ST6GAL1: variants seen among roughly 807,000 people sequenced by gnomAD.
The protein encoded by ST6GAL1 is ST6 beta-galactoside alpha-2,6-sialyltransferase 1.
ST6GAL1 carries 20 observed loss-of-function variants against 38.0 expected under a neutral mutation model. The ratio of observed to expected loss-of-function variants is 0.53; its 90% CI spans 0.37 to 0.77. The LOEUF (loss-of-function observed/expected upper bound fraction) is 0.77. ST6GAL1 is among the 30% of genes least tolerant of loss of function. The pLI is 0.00. For synonymous variants in ST6GAL1, 196 were observed against 188.2 expected, an observed-to-expected ratio of 1.04 and a Z score of -0.34; for missense variants, 432 against 496.4, an observed-to-expected ratio of 0.87 and a Z score of 1.23.
At chr3:186,944,311 G>A (rs991490788) in intron 1 of ST6GAL1, among the ~76,000 whole-genome samples, 1 of 152,202 alleles carries the variant, frequency 6.6e-6, no homozygotes, top group Non-Finnish European at 1.5e-5. Context: ...GGGGTAATGG[G>A]CCTTGAGCTG....
chr3:186,979,473 A>C (rs938527501), intron 2 of ST6GAL1, among the ~76,000 whole-genome samples: 1 of 152,196 alleles, frequency 6.6e-6, no homozygotes, highest in African/African-American at 2.4e-5. Context: ...CTCCTTGGGC[A>C]GACCTGGAGA....
chr3:187,021,615 C>G (rs1717303693), intron 2 of ST6GAL1, among the ~76,000 whole-genome samples: 1 of 151,850 alleles, frequency 6.6e-6, no homozygotes, highest in Non-Finnish European at 1.5e-5. Flanking sequence ...TGGTGGGCGC[C>G]TGTAATCCCA....
At chr3:186,978,332 C>T (rs866720163) in intron 2 of ST6GAL1, among the ~76,000 whole-genome samples, 37 of 152,208 alleles carry the variant, frequency 2.4e-4, no homozygotes, top group East Asian at 3.9e-4. Flanking sequence ...GCTGGAAGCT[C>T]CTGCCCCTTT....
intron 5 of ST6GAL1, among the ~76,000 whole-genome samples, chr3:187,055,791 G>A (rs2108590422): frequency 6.6e-6 from 1 of 152,288 alleles, no homozygotes; most frequent in South Asian, 2.1e-4. Flanking sequence ...TGTTGATTTG[G>A]GGTGGAGAGT....
chr3:187,059,762 C>T lies in ST6GAL1; in HGVS notation c.705+8416C>T, dbSNP rs924127467. Among the ~76,000 whole-genome samples, 3 of 152,206 alleles carry T rather than the reference C, an allele frequency of 2.0e-5. No homozygotes were observed. In the South Asian group the frequency reaches 6.2e-4, roughly 31 times the overall value. ...TAACTGCACTTACTATTGATATTTG[C>T]AGACATTGGTAGGGGAGGGTACAAT... is the stretch of plus-strand genomic sequence containing the variant. On this transcript the variant is annotated intron_variant, in intron 5 of 7. Transcript: ENST00000169298.
chr3:186,968,998 A>G (rs1257827372), intron 2 of ST6GAL1, among the ~76,000 whole-genome samples: 2 of 151,404 alleles, frequency 1.3e-5, no homozygotes, highest in African/African-American at 2.4e-5. Flanking sequence ...TTCCTTGCCA[A>G]CACTTGGTAT....
intron 1 of ST6GAL1, among the ~76,000 whole-genome samples, chr3:186,944,133 A>G (rs569948750): frequency 2.6e-5 from 4 of 152,360 alleles, no homozygotes; most frequent in East Asian, 3.8e-4. Flanking sequence ...GAAGTCTTCA[A>G]ATAAAATCTT....
chr3:186,995,122 T>C (rs922036837), intron 2 of ST6GAL1, among the ~76,000 whole-genome samples: 3 of 152,102 alleles, frequency 2.0e-5, no homozygotes, highest in African/African-American at 7.2e-5. Flanking sequence ...TGTATGTATA[T>C]AGATATGGGT....
chr3:187,049,828 C>A (rs1314929270), intron 4 of ST6GAL1, among the ~76,000 whole-genome samples: 3 of 152,220 alleles, frequency 2.0e-5, no homozygotes, highest in Non-Finnish European at 4.4e-5. Context: ...GTTTCTCATG[C>A]AATTACTACT....
Position 187,075,899 on chromosome 3 carries a change from G to A in ST6GAL1, c.*96G>A. On this transcript the variant is annotated 3_prime_UTR_variant, in exon 8 of 8. Coordinates refer to ENST00000169298, the MANE Select transcript of ST6GAL1 (RefSeq NM_173216.2). The surrounding 1 kb of genome is among the most constrained non-coding windows in gnomAD (Gnocchi z 4.1). ...ACATTTTCCTGAACAATTCCAGCCT[G>A]CTCCTTTTACTCTAGGGGCCTCTGT... 5 of 1,540,026 alleles carry A rather than the reference G, an allele frequency of 3.2e-6. No individual in the cohort carries two copies. The highest frequency in any genetic ancestry group is 4.4e-6 in the Non-Finnish European group (5 of 1,144,582).
chr3:186,973,194 C>T (rs1047452246), intron 2 of ST6GAL1, among the ~76,000 whole-genome samples: 2 of 152,158 alleles, frequency 1.3e-5, no homozygotes, highest in African/African-American at 4.8e-5. Flanking sequence ...CGCCATCATG[C>T]CCAGCTAATT....
At chr3:186,942,912 A>G (rs1480502091) in intron 1 of ST6GAL1, among the ~76,000 whole-genome samples, 1 of 152,188 alleles carries the variant, frequency 6.6e-6, no homozygotes, top group African/African-American at 2.4e-5. Flanking sequence ...CGTGTTGGCC[A>G]GGCTGGTCTC....
At chr3:187,024,491 T>TAGAGAGAGAG (rs773308806) in intron 2 of ST6GAL1, among the ~76,000 whole-genome samples, 1 of 105,304 alleles carries the variant, frequency 9.5e-6, no homozygotes, top group Non-Finnish European at 1.9e-5. Context: ...TATATATATA[T>TAGAGAGAGAG]ATAGAGAGAG....
At chr3:187,004,090 T>C (rs1716705368) in intron 2 of ST6GAL1, among the ~76,000 whole-genome samples, 1 of 152,160 alleles carries the variant, frequency 6.6e-6, no homozygotes, top group Admixed American at 6.5e-5. Context: ...TGAGATCTGG[T>C]TGTTTCAAAG....
chr3:187,051,184 T>G, intron 4 of ST6GAL1, 65 bp from the exon 5 acceptor site: 383 of 1,290,048 alleles, frequency 3.0e-4, no homozygotes, highest in Non-Finnish European at 3.9e-4. Context: ...CCGCCTCTCG[T>G]CTTTCTCTTT....
intron 4 of ST6GAL1, among the ~76,000 whole-genome samples, chr3:187,050,359 C>T (rs763228789): frequency 2.6e-5 from 4 of 152,108 alleles, no homozygotes; most frequent in Admixed American, 6.6e-5. Context: ...TCTTCAGTTC[C>T]CTCCTTCATC....
intron 2 of ST6GAL1, among the ~76,000 whole-genome samples, chr3:186,982,324 C>T (rs1250288540): frequency 2.0e-5 from 3 of 152,190 alleles, no homozygotes; most frequent in Non-Finnish European, 4.4e-5. Context: ...TAACCTTTTT[C>T]CATGTGGATA....
intron 5 of ST6GAL1, among the ~76,000 whole-genome samples, chr3:187,057,436 G>A (rs1718744937): frequency 6.6e-6 from 1 of 152,298 alleles, no homozygotes; most frequent in African/African-American, 2.4e-5. Context: ...CCCCATCTTT[G>A]TAGTTTTATC....
Position 186,953,249 on chromosome 3 carries a change from G to A in ST6GAL1, c.-324-10536G>A, listed in dbSNP as rs576305978. 2.6e-5 allele frequency among the ~76,000 whole-genome samples: 4 copies of A among 152,122 alleles called. No individual in the cohort carries two copies. In the East Asian group the frequency reaches 7.7e-4, roughly 29 times the overall value. ...TACTCAGAGCTTAGAAAGGCCTACA[G>A]GATTCTGTGTGACCCAGCCTTCAGA... On this transcript the variant is annotated intron_variant, in intron 1 of 7. Coordinates refer to ENST00000169298, the MANE Select transcript of ST6GAL1 (RefSeq NM_173216.2).
Sources: allele counts gnomAD v4.1 joint callset (sites outside exome capture counted in the v4.1 genomes callset), GRCh38; gene constraint gnomAD v4.1.1; non-coding constraint Gnocchi (gnomAD v3.1); transcripts MANE v1.5; gene names NCBI Gene and HGNC (gene_info 2026-07-23, HGNC 2026-07-21).